DNAH9: variants seen among roughly 807,000 people sequenced by gnomAD.
DNAH9 encodes the protein dynein axonemal heavy chain 9, also known as DNAH9 variant protein.
DNAH9 carries 345 observed loss-of-function variants against 471.6 expected under a neutral mutation model. That is an observed-to-expected ratio of 0.73 (90% CI 0.67 to 0.80). The LOEUF (loss-of-function observed/expected upper bound fraction) is 0.80, where lower values mean the gene tolerates loss of function less well. Among genes scored for constraint, DNAH9 ranks in the 30% least tolerant of loss-of-function variants. The probability of loss-of-function intolerance (pLI) is 0.00; values close to 1 mark genes in which losing one functional copy is unlikely to be tolerated. For missense variants in DNAH9, 5,407 were observed against 5,609.2 expected, an observed-to-expected ratio of 0.96 and a Z score of 1.15; for synonymous variants, 2,093 against 2,123.6, an observed-to-expected ratio of 0.99 and a Z score of 0.40.
chr17:11,797,791 T>C lies in DNAH9; in HGVS notation c.8418T>C (p.His2806=). The C allele has an allele frequency of 6.2e-7, 1 of 1,612,150 alleles. No individual in the cohort carries two copies. The change falls in exon 43 of 69, where the codon CAT becomes CAC. Residue 2806 remains histidine (H), a splice_region_variant and synonymous_variant. Coordinates refer to ENST00000262442, the MANE Select transcript of DNAH9 (RefSeq NM_001372.4). ...DLVLFEDAMR[H]VCHINRILES... ...TTCTCTTTGAGGATGCCATGCGCCA[T>C]GTGTAAGTGTGCTTCTCCTCTTCCT...
At position 11,942,463 on chromosome 17, in the gene DNAH9, G is replaced by A. The variant is rs756465735; in HGVS notation, c.12821G>A (p.Arg4274Lys). The A allele has an allele frequency of 1.9e-6, 3 of 1,614,074 alleles. No individual in the cohort carries two copies. The highest frequency in any genetic ancestry group is 1.1e-5 in the South Asian group (1 of 91,080). Residue 4274 changes from arginine (R) to lysine (K), a missense_variant, in exon 67 of 69, where the codon AGG (arginine) becomes AAG (lysine). This residue lies in a region of DNAH9 where 4,636 missense variants were observed against 4,900.3 expected (regional missense o/e 0.95). Coordinates refer to ENST00000262442, the MANE Select transcript of DNAH9 (RefSeq NM_001372.4). ...ACCAGAGAGATTCAGCGCTCACTGA[G>A]GGAGCTGGAGCTCGGCTTAAAGGTG... ...ILTREIQRSL[R>K]ELELGLKGEL...
intron 17 of DNAH9, among the ~76,000 whole-genome samples, chr17:11,672,797 G>A (rs2073992709): frequency 6.6e-6 from 1 of 152,154 alleles, no homozygotes; most frequent in Admixed American, 6.5e-5. Flanking sequence ...GTGGGGCTCA[G>A]AGAATGATGG....
chr17:11,869,853 G>A (rs1296532133), intron 51 of DNAH9, among the ~76,000 whole-genome samples: 1 of 152,196 alleles, frequency 6.6e-6, no homozygotes, highest in Non-Finnish European at 1.5e-5. Context: ...TATCTCACAA[G>A]TTTGTTGAGG....
chr17:11,871,703 A>T lies in DNAH9; in HGVS notation c.10159A>T (p.Ile3387Phe), dbSNP rs1367384007. Residue 3387 changes from isoleucine (I) to phenylalanine (F), a missense_variant, in exon 52 of 69, where the codon ATT (isoleucine) becomes TTT (phenylalanine). By Grantham distance (21) the Ile-to-Phe change is conservative (BLOSUM62 0). Transcript: ENST00000262442. ...AGACATTTTACTTATAACGGCTTTC[A>T]TTTCCTACCTTGGCTTCTTCACAAA... ...CGDILLITAF[I>F]SYLGFFTKKY... 6.2e-7 allele frequency: 1 copy of T among 1,614,198 alleles called. No individual in the cohort carries two copies. The highest frequency in any genetic ancestry group is 8.5e-7 in the Non-Finnish European group (1 of 1,180,036).
Position 11,679,775 on chromosome 17 carries a change from G to A in DNAH9, c.3372G>A (p.Ala1124=), listed in dbSNP as rs146993575. ...HVTHSLANLD[A]FIKKSESGLL... is the part of the protein sequence containing the mutation. Reference sequence around the variant, plus strand: ...TGATTAGCTTGGCCAACCTGGATGCGTTTATAAAGAAGAGTGAGAGCGGCT... The same window carrying A: ...TGATTAGCTTGGCCAACCTGGATGCATTTATAAAGAAGAGTGAGAGCGGCT... Residue 1124 remains alanine, a synonymous_variant, in exon 18 of 69, where the codon GCG becomes GCA. Transcript: ENST00000262442. The A allele has an allele frequency of 3.3e-5, 54 of 1,613,938 alleles. No homozygotes were observed. In the Middle Eastern group the frequency reaches 4.9e-4, roughly 15 times the overall value.
chr17:11,797,730 A>G lies in DNAH9; in HGVS notation c.8357A>G (p.Glu2786Gly). The G allele has an allele frequency of 6.2e-7, 1 of 1,614,206 alleles. No individual in the cohort carries two copies. The highest frequency in any genetic ancestry group is 8.5e-7 in the Non-Finnish European group (1 of 1,180,026). Reference sequence around the variant, plus strand: ...ACCCAGACTCTGGTGGAGGCCTTGGAGAACCACAATGAAGTCAACACAGTG... The same window carrying G: ...ACCCAGACTCTGGTGGAGGCCTTGGGGAACCACAATGAAGTCAACACAGTG... ...LLTQTLVEALENHNEVNTVMD... is the reference protein window; with the variant it reads ...LLTQTLVEALGNHNEVNTVMD... The change falls in exon 43 of 69, where the codon GAG (glutamate) becomes GGG (glycine). Residue 2786 changes from glutamate (E) to glycine (G), a missense_variant. Transcript: ENST00000262442.
intron 67 of DNAH9, among the ~76,000 whole-genome samples, chr17:11,946,685 AAG>A (rs1491306219): frequency 1.7e-4 from 26 of 151,212 alleles, no homozygotes; most frequent in Non-Finnish European, 3.4e-4. Context: ...AAAAAAGAAA[AAG>A]AAAAAAAAAA....
At chr17:11,880,228 T>TC (rs1972665823) in intron 54 of DNAH9, 28 bp downstream of exon 54, 1 of 1,609,754 alleles carries the variant, frequency 6.2e-7, no homozygotes, top group African/African-American at 1.3e-5. Context: ...TGCTGACCCT[T>TC]CGGGGGGAGC....
chr17:11,902,573 C>T, intron 59 of DNAH9, 146 bp from the exon 60 acceptor site: 1 of 782,774 alleles, frequency 1.3e-6, no homozygotes, highest in Non-Finnish European at 2.0e-6. Context: ...CTTGATTTTT[C>T]CTGGGGGATG....
chr17:11,819,669 A>G (rs1191251663), intron 45 of DNAH9, among the ~76,000 whole-genome samples: 1 of 152,206 alleles, frequency 6.6e-6, no homozygotes, highest in Non-Finnish European at 1.5e-5. Flanking sequence ...TTTTAATATC[A>G]ATTTCCTAAA....
chr17:11,934,742 G>A (rs1033522025), intron 65 of DNAH9, among the ~76,000 whole-genome samples: 1 of 151,496 alleles, frequency 6.6e-6, no homozygotes, highest in African/African-American at 2.4e-5. Context: ...GTGAGCCGCC[G>A]CGCCTGGCCT....
chr17:11,684,664 C>T (rs981337414), intron 19 of DNAH9, among the ~76,000 whole-genome samples: 5 of 152,190 alleles, frequency 3.3e-5, no homozygotes, highest in Admixed American at 6.5e-5. Context: ...CCTCTGTGAG[C>T]TCCAGCTCAA....
chr17:11,763,435 T>C lies in DNAH9; in HGVS notation c.6996-5T>C. On this transcript the variant is annotated splice_polypyrimidine_tract_variant and splice_region_variant and intron_variant, in intron 35 of 68. Transcript: ENST00000262442. ...TTTCAGATCCCCTCGGGTCTCTCTT[T>C]GCAGGTTTAAGAAGATCATTCCCAT... 2 of 1,613,524 alleles carry C rather than the reference T, an allele frequency of 1.2e-6. No individual in the cohort carries two copies. The highest frequency in any genetic ancestry group is 1.7e-6 in the Non-Finnish European group (2 of 1,179,630).
chr17:11,778,835 C>T (rs185875648), intron 38 of DNAH9, among the ~76,000 whole-genome samples: 5 of 152,028 alleles, frequency 3.3e-5, no homozygotes, highest in East Asian at 3.9e-4. Flanking sequence ...GGAGAAACCC[C>T]ATCTCTACTA....
rs2072678549 is a variant in DNAH9 at position 11,613,467 on chromosome 17, A to G, written c.904+1687A>G. Among the ~76,000 whole-genome samples the G allele has an allele frequency of 2.6e-5, 4 of 152,258 alleles. No individual in the cohort carries two copies. The South Asian group carries it at 8.3e-4, about 32-fold the overall frequency. On this transcript the variant is annotated intron_variant, in intron 4 of 68. Transcript: ENST00000262442. The stretch of plus-strand genomic sequence containing the variant: ...AAACCTCATCTCTACTAAAAATACA[A>G]AAAATTAGCCGGGCGTAGTCCCAGC...
At chr17:11,625,956 T>G (rs1180759785) in intron 6 of DNAH9, among the ~76,000 whole-genome samples, 3 of 152,230 alleles carry the variant, frequency 2.0e-5, no homozygotes, top group Non-Finnish European at 4.4e-5. Flanking sequence ...ACTTGGTAAC[T>G]TCACAGCAAC....
chr17:11,905,973 C>G (rs551545391), intron 61 of DNAH9, among the ~76,000 whole-genome samples, 164 bp downstream of exon 61: 1 of 152,286 alleles, frequency 6.6e-6, no homozygotes, highest in East Asian at 1.9e-4. Context: ...AGATCACCCA[C>G]CAGGGAGAGA....
At chr17:11,642,971 G>A (rs766233703) in intron 10 of DNAH9, among the ~76,000 whole-genome samples, 20 of 152,228 alleles carry the variant, frequency 1.3e-4, no homozygotes, top group Non-Finnish European at 2.5e-4. Context: ...AAGCTCGAGG[G>A]ATCTGATGAA....
chr17:11,963,950 CA>C (rs1452833121), intron 68 of DNAH9, among the ~76,000 whole-genome samples: 1 of 152,178 alleles, frequency 6.6e-6, no homozygotes. Flanking sequence ...TACCAGCAAC[CA>C]TCAGAAGCTA....
Sources: gnomAD v4.1 joint callset for allele counts (sites outside exome capture counted in the v4.1 genomes callset) on GRCh38, gnomAD v4.1.1 for gene constraint, gnomAD v4.1.1 regional missense constraint, MANE v1.5 for transcripts, NCBI Gene and HGNC (gene_info 2026-07-23, HGNC 2026-07-21) for gene names.